Variants in KLRC1 observed in about 807,000 individuals in gnomAD.
KLRC1 encodes the protein killer cell lectin like receptor C1, also known as NKG2-A/NKG2-B type II integral membrane protein.
KLRC1 carries 22 observed loss-of-function variants against 25.9 expected under a neutral mutation model. The ratio of observed to expected loss-of-function variants is 0.85; its 90% CI spans 0.61 to 1.21. The LOEUF (loss-of-function observed/expected upper bound fraction) is 1.21. Among genes scored for constraint, KLRC1 ranks in the 50% most tolerant of loss-of-function variants. KLRC1 has a pLI of 0.00. For synonymous variants in KLRC1, 77 were observed against 93.1 expected (o/e 0.83, Z 0.99); for missense variants, 240 against 272.2 (o/e 0.88, Z 0.83).
At chr12:10,444,808 A>G (rs1357702103), downstream of KLRC1, among the ~76,000 whole-genome samples, 1 of 152,136 alleles carries the variant, frequency 6.6e-6, no homozygotes, top group South Asian at 2.1e-4. Context: ...TAGCCTTGAT[A>G]TCAAAACCTT....
upstream of KLRC1, among the ~76,000 whole-genome samples, chr12:10,453,564 ATT>A (rs35500295): frequency 2.7e-5 from 4 of 149,492 alleles, no homozygotes; most frequent in African/African-American, 9.7e-5. Context: ...GCCTATGAGA[ATT>A]TTTTTTTTTT....
intron 2 of KLRC1, 93 bp downstream of exon 2, chr12:10,450,877 G>T (rs2137897116): frequency 1.1e-6 from 1 of 905,948 alleles, no homozygotes; most frequent in Non-Finnish European, 1.7e-6. Context: ...GCAAATAGAA[G>T]ATATATGAGC....
At chr12:10,445,603 G>A (rs549928398), downstream of KLRC1, among the ~76,000 whole-genome samples, 64 of 152,012 alleles carry the variant, frequency 4.2e-4, 1 homozygote, top group African/African-American at 1.4e-3. Flanking sequence ...ATAAAACTAC[G>A]TTATAGCATA....
chr12:10,449,058 C>G (rs1864063255), intron 5 of KLRC1, among the ~76,000 whole-genome samples, 179 bp downstream of exon 5: 1 of 152,122 alleles, frequency 6.6e-6, no homozygotes, highest in Non-Finnish European at 1.5e-5. Flanking sequence ...TGAAAATAAT[C>G]AAAAGTACAT....
chr12:10,450,549 A>G lies in KLRC1; in HGVS notation c.218T>C (p.Val73Ala). 5 of 1,610,508 alleles carry G rather than the reference A, an allele frequency of 3.1e-6. No homozygotes were observed. In the Middle Eastern group the frequency reaches 6.6e-4, roughly 213 times the overall value. ...DLPSAPEKLI[V>A]GILGIICLIL... is the part of the protein sequence containing the mutation. ...AAGACAGATAATTCCCAGGATCCCA[A>G]CAATGAGCTTCTCTGGAGCTGATGG... is the stretch of plus-strand genomic sequence containing the variant. Residue 73 changes from valine (V) to alanine (A), a missense_variant, in exon 3 of 7, where the codon GTT becomes GCT. Val to Ala is a moderately conservative substitution (Grantham distance 64). Coordinates refer to ENST00000359151, the MANE Select transcript of KLRC1 (RefSeq NM_002259.5).
upstream of KLRC1, chr12:10,453,501 A>C: frequency 3.2e-6 from 1 of 312,458 alleles, no homozygotes; most frequent in Non-Finnish European, 4.7e-6. Context: ...GGTCTATTAA[A>C]AGTACAAGGT....
At chr12:10,451,986 A>G (rs1045214345) in intron 1 of KLRC1, among the ~76,000 whole-genome samples, 2 of 151,800 alleles carry the variant, frequency 1.3e-5, no homozygotes, top group Non-Finnish European at 2.9e-5. Context: ...AGGTAATTAA[A>G]TGGTCTTTTC....
intron 6 of KLRC1, 103 bp from the exon 7 acceptor site, chr12:10,446,765 G>A: frequency 7.2e-7 from 1 of 1,390,514 alleles, no homozygotes; most frequent in South Asian, 1.2e-5. Context: ...ATGGAAAAGG[G>A]TAATTAAATT....
At chr12:10,451,270 G>T in intron 1 of KLRC1, 83 bp from the exon 2 acceptor site, 1 of 672,674 alleles carries the variant, frequency 1.5e-6, no homozygotes, top group East Asian at 3.2e-5. Flanking sequence ...GGTGGAGAAC[G>T]AGTATTGGAG....
chr12:10,449,536 C>A, intron 4 of KLRC1, 148 bp from the exon 5 acceptor site: 1 of 1,390,652 alleles, frequency 7.2e-7, no homozygotes, highest in East Asian at 2.4e-5. Flanking sequence ...TCAAAATACC[C>A]AGTCACTTAT....
chr12:10,452,752 A>C (rs1381864710), intron 1 of KLRC1, among the ~76,000 whole-genome samples: 1 of 152,028 alleles, frequency 6.6e-6, no homozygotes, highest in Non-Finnish European at 1.5e-5. Flanking sequence ...AATCTACCTC[A>C]TTCTGATTTT....
intron 1 of KLRC1, among the ~76,000 whole-genome samples, chr12:10,451,723 T>C (rs1023876482): frequency 1.3e-5 from 2 of 152,190 alleles, no homozygotes; most frequent in Admixed American, 1.3e-4. Context: ...AGCAATAAAT[T>C]ACTAAGGAAT....
At chr12:10,447,381 A>C (rs1864011072) in intron 6 of KLRC1, 151 bp downstream of exon 6, 2 of 670,660 alleles carry the variant, frequency 3.0e-6, no homozygotes, top group Non-Finnish European at 4.8e-6. Flanking sequence ...ATGGACTACT[A>C]TGGTCTATTG....
chr12:10,450,606 C>G (rs373817300), intron 2 of KLRC1, 27 bp from the exon 3 acceptor site: 7 of 1,387,656 alleles, frequency 5.0e-6, no homozygotes, highest in Non-Finnish European at 7.2e-6. Flanking sequence ...GGGAACAGTG[C>G]GAAAGGAGAG....
downstream of KLRC1, among the ~76,000 whole-genome samples, chr12:10,443,507 G>A (rs938878455): frequency 7.2e-6 from 1 of 138,968 alleles, no homozygotes; most frequent in African/African-American, 2.8e-5. Flanking sequence ...ATCATTGCAT[G>A]TACCTAATGC....
At chr12:10,452,243 C>CATGTTAAAG (rs1394802451) in intron 1 of KLRC1, among the ~76,000 whole-genome samples, 1 of 151,922 alleles carries the variant, frequency 6.6e-6, no homozygotes, top group African/African-American at 2.4e-5. Context: ...ATAGGTAATT[C>CATGTTAAAG]ATGTTAAAGC....
downstream of KLRC1, among the ~76,000 whole-genome samples, chr12:10,444,988 C>T (rs1282491326): frequency 2.8e-5 from 4 of 143,144 alleles, no homozygotes; most frequent in East Asian, 2.1e-4. Context: ...GGTGCACTCT[C>T]GGCTCACTGC....
intron 3 of KLRC1, 35 bp downstream of exon 3, chr12:10,450,449 A>C: frequency 8.3e-7 from 1 of 1,210,628 alleles, no homozygotes; most frequent in Non-Finnish European, 1.2e-6. Context: ...CATTAACGTG[A>C]AAATTCCCCT....
intron 2 of KLRC1, 44 bp downstream of exon 2, chr12:10,450,926 G>C (rs1422454071): frequency 1.3e-5 from 19 of 1,408,526 alleles, no homozygotes; most frequent in Non-Finnish European, 1.9e-5. Context: ...ACCCCAAGCT[G>C]CACATCCTAG....
Sources: gnomAD v4.1 joint callset for allele counts (sites outside exome capture counted in the v4.1 genomes callset) on GRCh38, gnomAD v4.1.1 for gene constraint, MANE v1.5 for transcripts, NCBI Gene and HGNC (gene_info 2026-07-23, HGNC 2026-07-21) for gene names.